SLC6A13: variants seen among roughly 807,000 people sequenced by gnomAD.
The protein encoded by SLC6A13 is solute carrier family 6 member 13.
A neutral mutation model predicts 72.9 loss-of-function variants in SLC6A13; 69 were observed. That is an observed-to-expected ratio of 0.95 (90% CI 0.78 to 1.16). The LOEUF (loss-of-function observed/expected upper bound fraction) is 1.16, where lower values mean the gene tolerates loss of function less well. SLC6A13 is among the 50% of genes most tolerant of loss of function. The pLI is 0.00. For missense variants in SLC6A13, 735 were observed against 760.5 expected, an observed-to-expected ratio of 0.97 and a Z score of 0.39; for synonymous variants, 303 against 303.0, an observed-to-expected ratio of 1.00 and a Z score of 0.00.
rs962020707 is a variant in SLC6A13 at position 260,054 on chromosome 12, C to A, written c.-2G>T. ...TGTGCCTGAGACCCTGCTATCCATCCCACCTGGAAAACAAGTGGGATGCTC... is the reference window on the plus strand; with the variant it reads ...TGTGCCTGAGACCCTGCTATCCATCACACCTGGAAAACAAGTGGGATGCTC... On this transcript the variant is annotated 5_prime_UTR_variant, in exon 2 of 15. Coordinates refer to ENST00000343164, the MANE Select transcript of SLC6A13 (RefSeq NM_016615.5). 2 of 1,611,246 alleles carry A rather than the reference C, an allele frequency of 1.2e-6. No individual in the cohort carries two copies. Among genetic ancestry groups the A allele is most frequent in the Non-Finnish European group, 1.7e-6 (2 of 1,177,730 alleles).
chr12:244,668 T>C (rs1334719040), intron 2 of SLC6A13, among the ~76,000 whole-genome samples: 1 of 151,954 alleles, frequency 6.6e-6, no homozygotes. Flanking sequence ...CCCTCCAACC[T>C]GGGTGACAGA....
At chr12:224,212 A>T in intron 10 of SLC6A13, 83 bp from the exon 11 acceptor site, 1 of 1,564,768 alleles carries the variant, frequency 6.4e-7, no homozygotes, top group Non-Finnish European at 8.7e-7. Flanking sequence ...CGCTCCCAGG[A>T]TCAGCCCTGC....
At chr12:235,330 G>A (rs1401347590) in intron 6 of SLC6A13, 106 bp from the exon 7 acceptor site, 7 of 1,138,958 alleles carry the variant, frequency 6.1e-6, no homozygotes, top group Non-Finnish European at 9.1e-6. Flanking sequence ...AAAGGTCAAG[G>A]GAGTGTTCCT....
intron 9 of SLC6A13, 55 bp from the exon 10 acceptor site, chr12:224,568 G>A: frequency 1.4e-6 from 2 of 1,454,514 alleles, no homozygotes; most frequent in Non-Finnish European, 1.9e-6. Flanking sequence ...TCCAGGCTGT[G>A]GGTGACCCAT....
At chr12:232,090 G>A (rs974783505) in intron 7 of SLC6A13, among the ~76,000 whole-genome samples, 3 of 152,172 alleles carry the variant, frequency 2.0e-5, no homozygotes, top group African/African-American at 4.8e-5. Context: ...CTGAAATAAT[G>A]CATGTAAGCC....
At chr12:233,358 T>A (rs1941792267) in intron 7 of SLC6A13, among the ~76,000 whole-genome samples, 1 of 152,214 alleles carries the variant, frequency 6.6e-6, no homozygotes, top group Non-Finnish European at 1.5e-5. Flanking sequence ...AGGCAGGGCC[T>A]GCCCATTCCA....
rs1435337244 is a variant in SLC6A13 at position 254,922 on chromosome 12, A to G, written c.202+4929T>C. ...AGCACTTTGGGAGGCCGAGGCAGGC[A>G]GATCACTTGAGACCAGGAGTTTGAG... On this transcript the variant is annotated intron_variant, in intron 2 of 14. Transcript: ENST00000343164. This position sits in a 1 kb window ranked among gnomAD's most constrained non-coding sequence, Gnocchi z 4.4. Among the ~76,000 whole-genome samples, 2 of 152,122 alleles carry G rather than the reference A, an allele frequency of 1.3e-5. No individual in the cohort carries two copies. Among genetic ancestry groups the G allele is most frequent in the Non-Finnish European group, 2.9e-5 (2 of 68,016 alleles).
chr12:243,684 A>G lies in SLC6A13; in HGVS notation c.332T>C (p.Phe111Ser). Residue 111 changes from phenylalanine to serine, a missense_variant, in exon 3 of 15, where the codon TTT becomes TCT. Transcript: ENST00000343164. ...TCAGGTACAGAGCTACTCACCCTCA[A>G]AGATGGGGCAGATCTTCCTCCAGGC... is the stretch of plus-strand genomic sequence containing the variant. ...VTAWRKICPI[F>S]EGIGYASQMI... 6.2e-7 allele frequency: 1 copy of G among 1,613,968 alleles called. No homozygotes were observed. Among genetic ancestry groups the G allele is most frequent in the Non-Finnish European group, 8.5e-7 (1 of 1,179,946 alleles).
intron 13 of SLC6A13, 76 bp downstream of exon 13, chr12:222,456 G>T: frequency 2.4e-6 from 2 of 831,974 alleles, no homozygotes; most frequent in Non-Finnish European, 1.9e-6. Context: ...CCATTGCAGG[G>T]CTAACGGCTT....
rs144612124 is a variant in SLC6A13, at chr12:237,914, G to T, written c.563+12C>A. On this transcript the variant is annotated intron_variant, in intron 5 of 14. Transcript: ENST00000343164. ...ACACGGCCCACAGTGGGTGGGGAAG[G>T]GTCTCACTTACTCCCAGAACTCGAT... The T allele has an allele frequency of 6.2e-6, 10 of 1,600,440 alleles. No homozygotes were observed. The highest frequency in any genetic ancestry group is 1.1e-5 in the South Asian group (1 of 90,792).
At chr12:226,283 C>T (rs1022387083) in intron 9 of SLC6A13, 107 bp downstream of exon 9, 15 of 1,378,520 alleles carry the variant, frequency 1.1e-5, no homozygotes, top group South Asian at 4.8e-5. Context: ...GAATGGTGGC[C>T]GTAGCTCACC....
intron 2 of SLC6A13, among the ~76,000 whole-genome samples, chr12:246,814 C>A (rs1942366992): frequency 6.6e-6 from 1 of 152,008 alleles, no homozygotes; most frequent in South Asian, 2.1e-4. Flanking sequence ...TCAAGACCAG[C>A]CCAGCCAACA....
At chr12:242,297 A>T (rs1216608780) in intron 4 of SLC6A13, among the ~76,000 whole-genome samples, 1 of 152,234 alleles carries the variant, frequency 6.6e-6, no homozygotes, top group African/African-American at 2.4e-5. Context: ...CAGAGAGAAG[A>T]TACGCGAAAC....
rs756642544 is a variant in SLC6A13 at position 259,751 on chromosome 12, C to G, written c.202+100G>C. ...TAAGCGTCCTCCTACCTCCAGAATT[C>G]TATACATCTATGGGACTCCCCAGAG... On this transcript the variant is annotated intron_variant, in intron 2 of 14. Transcript: ENST00000343164. The G allele has an allele frequency of 1.9e-5, 30 of 1,611,890 alleles. No individual in the cohort carries two copies. The South Asian group carries it at 2.4e-4, about 13-fold the overall frequency.
At chr12:257,114 C>G (rs181646378) in intron 2 of SLC6A13, among the ~76,000 whole-genome samples, 2 of 152,176 alleles carry the variant, frequency 1.3e-5, no homozygotes, top group Middle Eastern at 3.4e-3. Context: ...AGTTTAAGGG[C>G]CCATTCTCTG....
intron 3 of SLC6A13, 125 bp downstream of exon 3, chr12:243,554 G>A: frequency 1.1e-6 from 1 of 946,844 alleles, no homozygotes; most frequent in Middle Eastern, 2.2e-4. Flanking sequence ...ACAAACCAAG[G>A]GTTTAGCATA....
chr12:221,773 A>G (rs552207677), intron 13 of SLC6A13, among the ~76,000 whole-genome samples: 34 of 152,266 alleles, frequency 2.2e-4, no homozygotes, highest in African/African-American at 7.2e-4. Flanking sequence ...GGGCACCTCT[A>G]CGTGCAGCTG....
chr12:252,940 G>C (rs1447697266), intron 2 of SLC6A13, among the ~76,000 whole-genome samples: 1 of 146,806 alleles, frequency 6.8e-6, no homozygotes, highest in Non-Finnish European at 1.5e-5. Flanking sequence ...CTAGAAGTGT[G>C]AGAGGGGTCG....
intron 10 of SLC6A13, 85 bp downstream of exon 10, chr12:224,316 C>T (rs1941348376): frequency 7.3e-7 from 1 of 1,369,224 alleles, no homozygotes; most frequent in East Asian, 2.3e-5. Context: ...AGGGCATCCA[C>T]TTCTGACATT....
Sources: gnomAD v4.1 joint callset for allele counts (sites outside exome capture counted in the v4.1 genomes callset) on GRCh38, gnomAD v4.1.1 for gene constraint, Gnocchi (gnomAD v3.1) non-coding constraint, MANE v1.5 for transcripts, NCBI Gene and HGNC (gene_info 2026-07-23, HGNC 2026-07-21) for gene names.